The following CEP57L1 variants were observed in gnomAD, a reference collection of about 807,000 sequenced individuals.
The protein encoded by CEP57L1 is centrosomal protein CEP57L1.
A neutral mutation model predicts 61.0 loss-of-function variants in CEP57L1; 37 were observed. The ratio of observed to expected loss-of-function variants is 0.61; its 90% CI spans 0.47 to 0.80. CEP57L1 has a LOEUF of 0.80. Among genes scored for constraint, CEP57L1 ranks in the 30% least tolerant of loss-of-function variants. The probability of loss-of-function intolerance (pLI) is 0.00; values close to 1 mark genes in which losing one functional copy is unlikely to be tolerated. For synonymous variants in CEP57L1, 137 were observed against 162.3 expected (o/e 0.84, Z 1.19); for missense variants, 422 against 524.7 (o/e 0.80, Z 1.91).
rs1468837856 is a variant in CEP57L1 at position 109,155,957 on chromosome 6, C to G, written c.744+80C>G. 1.6e-5 allele frequency: 10 copies of G among 622,112 alleles called. No homozygotes were observed. The African/African-American group carries it at 2.0e-4, about 12-fold the overall frequency. 38.5% of individuals were successfully genotyped at this position (622,112 alleles called of 1,614,324 possible). Reference sequence around the variant, plus strand: ...AACCTCTTAATCCTTATACCTACCCCTTTCCAAAAAGGATTTGAAGATATA... The same window carrying G: ...AACCTCTTAATCCTTATACCTACCCGTTTCCAAAAAGGATTTGAAGATATA... On this transcript the variant is annotated intron_variant, in intron 7 of 10. Transcript: ENST00000517392.
At chr6:109,112,058 C>T (rs1164681345) in intron 1 of CEP57L1, among the ~76,000 whole-genome samples, 1 of 152,144 alleles carries the variant, frequency 6.6e-6, no homozygotes, top group East Asian at 1.9e-4. Context: ...AGGGAGGAGT[C>T]CCTCTTTTTC....
chr6:109,162,487 A>G (rs930282565), intron 10 of CEP57L1, among the ~76,000 whole-genome samples: 8 of 151,952 alleles, frequency 5.3e-5, no homozygotes, highest in African/African-American at 1.9e-4. Context: ...AGTATTCTCT[A>G]GTTGTCACAT....
intron 9 of CEP57L1, among the ~76,000 whole-genome samples, chr6:109,159,956 G>GT (rs1482490661): frequency 1.3e-5 from 2 of 152,108 alleles, no homozygotes; most frequent in African/African-American, 4.8e-5. Context: ...CATTAGACAA[G>GT]TAGGAATGTA....
At position 109,150,237 on chromosome 6, in the gene CEP57L1, C is replaced by A; in HGVS notation, c.460C>A (p.Gln154Lys). The change falls in exon 4 of 11, where the codon CAG becomes AAG. Residue 154 changes from glutamine (Q) to lysine (K), a missense_variant and splice_region_variant. Coordinates refer to ENST00000517392, the MANE Select transcript of CEP57L1 (RefSeq NM_001271852.3). Reference sequence around the variant, plus strand: ...AGAAAAGAACATGATCCTAGAACAACAGGTGAGCATATTTTCTATAAGGAA... The same window carrying A: ...AGAAAAGAACATGATCCTAGAACAAAAGGTGAGCATATTTTCTATAAGGAA... ...EREKNMILEQ[Q>K]AQLQREKEQD... The A allele has an allele frequency of 6.3e-7, 1 of 1,592,596 alleles. No homozygotes were observed. The highest frequency in any genetic ancestry group is 8.6e-7 in the Non-Finnish European group (1 of 1,161,972).
intron 1 of CEP57L1, chr6:109,130,785 C>T: frequency 6.6e-6 from 1 of 151,630 alleles, no homozygotes; most frequent in Non-Finnish European, 1.5e-5. Flanking sequence ...ATGTTGCGTC[C>T]TTCTCCAGGT....
At chr6:109,134,387 A>T (rs1411766787) in intron 1 of CEP57L1, among the ~76,000 whole-genome samples, 3 of 152,194 alleles carry the variant, frequency 2.0e-5, no homozygotes, top group African/African-American at 4.8e-5. Context: ...AACTCTCAAT[A>T]AATTAGGTAT....
At chr6:109,143,501 TTTTC>T (rs1192821384) in intron 1 of CEP57L1, among the ~76,000 whole-genome samples, 3 of 152,124 alleles carry the variant, frequency 2.0e-5, no homozygotes. Context: ...CTCTTTACTG[TTTTC>T]TTTCTTTTTC....
intron 1 of CEP57L1, among the ~76,000 whole-genome samples, chr6:109,107,311 A>G (rs1771060448): frequency 1.3e-5 from 2 of 152,004 alleles, no homozygotes; most frequent in South Asian, 2.1e-4. Context: ...GAGCTTGGCT[A>G]TATATTTTTT....
At chr6:109,154,916 C>A (rs939975043) in intron 5 of CEP57L1, among the ~76,000 whole-genome samples, 2 of 151,990 alleles carry the variant, frequency 1.3e-5, no homozygotes, top group African/African-American at 4.8e-5. Flanking sequence ...GTTTGACCTG[C>A]TACACCTTTA....
intron 1 of CEP57L1, among the ~76,000 whole-genome samples, chr6:109,126,788 A>G (rs993912383): frequency 1.3e-5 from 2 of 152,224 alleles, no homozygotes; most frequent in African/African-American, 4.8e-5. Flanking sequence ...TATTGAGTTG[A>G]ATTAACTGTG....
chr6:109,107,967 C>G (rs181576459), intron 1 of CEP57L1, among the ~76,000 whole-genome samples: 6 of 151,798 alleles, frequency 4.0e-5, no homozygotes, highest in Admixed American at 3.9e-4. Context: ...AAAATAAGTT[C>G]ATGTTTGTAA....
chr6:109,098,561 G>A (rs997712820), intron 1 of CEP57L1, among the ~76,000 whole-genome samples: 1 of 151,676 alleles, frequency 6.6e-6, no homozygotes, highest in Non-Finnish European at 1.5e-5. Flanking sequence ...CAGTCTCCCA[G>A]GTAGTTGGGA....
chr6:109,162,726 G>A, intron 10 of CEP57L1, 23 bp from the exon 11 acceptor site: 2 of 1,500,370 alleles, frequency 1.3e-6, no homozygotes, highest in Non-Finnish European at 1.8e-6. Context: ...TGACTAAAAT[G>A]TTAGATTTTT....
At chr6:109,134,642 A>G (rs1338137581) in intron 1 of CEP57L1, among the ~76,000 whole-genome samples, 1 of 152,368 alleles carries the variant, frequency 6.6e-6, no homozygotes, top group East Asian at 1.9e-4. Flanking sequence ...TGCAGATGAC[A>G]TGATTGTATA....
At chr6:109,097,536 G>A (rs1464422910) in intron 1 of CEP57L1, among the ~76,000 whole-genome samples, 3 of 152,004 alleles carry the variant, frequency 2.0e-5, no homozygotes, top group South Asian at 2.1e-4. Context: ...TTTCACCCAC[G>A]CGTTTACTCA....
intron 1 of CEP57L1, among the ~76,000 whole-genome samples, chr6:109,135,389 A>C (rs1413103884): frequency 3.9e-5 from 6 of 152,124 alleles, no homozygotes; most frequent in South Asian, 4.1e-4. Flanking sequence ...GGATCCCTTC[A>C]TTACACCTTA....
At chr6:109,153,126 G>C (rs199922805) in intron 4 of CEP57L1, among the ~76,000 whole-genome samples, 2 of 135,834 alleles carry the variant, frequency 1.5e-5, no homozygotes, top group Admixed American at 7.4e-5. Context: ...AAAAAGAAAA[G>C]AAAAGAAAAG....
rs1224463478 is a variant in CEP57L1, at chr6:109,163,653, G to T, written c.*683G>T. ...ATCTTACTACTTTATAACTTTTGCT[G>T]ACTTTTATTCTTTGCATTGTATGTA... On this transcript the variant is annotated 3_prime_UTR_variant, in exon 11 of 11. Transcript: ENST00000517392. 1 of 151,666 alleles carries T rather than the reference G, an allele frequency of 6.6e-6. No individual in the cohort carries two copies. Among genetic ancestry groups the T allele is most frequent in the Non-Finnish European group, 1.5e-5 (1 of 67,906 alleles). The allele number at this position is 151,666 out of a possible 1,614,324, so 9.4% of individuals were successfully genotyped here.
chr6:109,104,273 T>C (rs1006185819), intron 1 of CEP57L1, among the ~76,000 whole-genome samples: 3 of 152,108 alleles, frequency 2.0e-5, no homozygotes, highest in African/African-American at 7.2e-5. Context: ...ATGAATATGA[T>C]ACAACTTATT....
Sources: gnomAD v4.1 joint callset for allele counts (sites outside exome capture counted in the v4.1 genomes callset) on GRCh38, gnomAD v4.1.1 for gene constraint, MANE v1.5 for transcripts, NCBI Gene and HGNC (gene_info 2026-07-23, HGNC 2026-07-21) for gene names.